Variants in ARSB observed in about 807,000 individuals in gnomAD.
ARSB encodes the protein arylsulfatase B, also known as N-acetylgalactosamine-4-sulfatase.
A neutral mutation model predicts 50.9 loss-of-function variants in ARSB; 41 were observed. The observed-to-expected ratio is 0.81, with a 90% CI of 0.63 to 1.04. The LOEUF (loss-of-function observed/expected upper bound fraction) is 1.04. ARSB is among the 50% of genes least tolerant of loss of function. The pLI is 0.00. For missense variants in ARSB, 672 were observed against 693.3 expected, an observed-to-expected ratio of 0.97 and a Z score of 0.35; for synonymous variants, 269 against 284.8, an observed-to-expected ratio of 0.94 and a Z score of 0.56.
At chr5:78,904,685 C>CTTTTTTTTTTT (rs55920994) in intron 4 of ARSB, among the ~76,000 whole-genome samples, 1 of 98,930 alleles carries the variant, frequency 1.0e-5, no homozygotes, top group Admixed American at 1.1e-4. Context: ...TTCTTTCTTT[C>CTTTTTTTTTTT]TTTTTTTTTT....
At chr5:78,810,798 A>G (rs540900171) in intron 6 of ARSB, among the ~76,000 whole-genome samples, 196 of 152,346 alleles carry the variant, frequency 1.3e-3, no homozygotes, top group African/African-American at 4.7e-3. Flanking sequence ...TTTCAACCAC[A>G]GAGTACTGTG....
intron 6 of ARSB, among the ~76,000 whole-genome samples, chr5:78,816,725 T>C (rs553162670): frequency 6.6e-6 from 1 of 152,306 alleles, no homozygotes; most frequent in South Asian, 2.1e-4. Flanking sequence ...AGAGGAAGCT[T>C]CTCCATTGCT....
chr5:78,913,353 T>C (rs1749394624), intron 4 of ARSB, among the ~76,000 whole-genome samples: 1 of 152,116 alleles, frequency 6.6e-6, no homozygotes, highest in Non-Finnish European at 1.5e-5. Context: ...CTCGATCTCC[T>C]GACCTCGTGA....
At chr5:78,804,601 A>G (rs1243528153) in intron 6 of ARSB, among the ~76,000 whole-genome samples, 1 of 152,252 alleles carries the variant, frequency 6.6e-6, no homozygotes, top group Non-Finnish European at 1.5e-5. Flanking sequence ...TTAAGACACT[A>G]AAACTAACAA....
At chr5:78,840,354 G>A (rs778340465) in intron 5 of ARSB, among the ~76,000 whole-genome samples, 7 of 152,140 alleles carry the variant, frequency 4.6e-5, no homozygotes, top group Non-Finnish European at 4.4e-5. Context: ...GGCTCCTGAC[G>A]TAACCAAGAC....
intron 4 of ARSB, among the ~76,000 whole-genome samples, chr5:78,939,240 A>T (rs1305353020): frequency 6.6e-6 from 1 of 152,050 alleles, no homozygotes; most frequent in African/African-American, 2.4e-5. Context: ...CCTAGTAAAA[A>T]GAGCTCTCAA....
At chr5:78,862,813 C>T (rs975665586) in intron 5 of ARSB, among the ~76,000 whole-genome samples, 6 of 152,178 alleles carry the variant, frequency 3.9e-5, no homozygotes, top group Admixed American at 1.3e-4. Context: ...TCAAAGTGAA[C>T]AGGCAACCTA....
intron 5 of ARSB, among the ~76,000 whole-genome samples, chr5:78,863,467 T>C (rs1013601829): frequency 2.6e-5 from 4 of 151,992 alleles, no homozygotes; most frequent in Non-Finnish European, 5.9e-5. Flanking sequence ...GGGACATGGA[T>C]GAAGCTGAAA....
chr5:78,871,236 C>G (rs532399404), intron 5 of ARSB, among the ~76,000 whole-genome samples: 1 of 151,988 alleles, frequency 6.6e-6, no homozygotes, highest in African/African-American at 2.4e-5. Context: ...AATGGCCATA[C>G]TGCCCAAGGT....
At chr5:78,823,747 A>AT (rs1283911808) in intron 6 of ARSB, among the ~76,000 whole-genome samples, 1 of 152,246 alleles carries the variant, frequency 6.6e-6, no homozygotes, top group Non-Finnish European at 1.5e-5. Context: ...GCTGGCTTGA[A>AT]TATATCTTAA....
At chr5:78,788,922 A>G (rs914510352) in intron 6 of ARSB, among the ~76,000 whole-genome samples, 5 of 152,230 alleles carry the variant, frequency 3.3e-5, no homozygotes, top group Non-Finnish European at 7.3e-5. Context: ...GTGAGCCACC[A>G]CACCTGGCCT....
At chr5:78,837,443 T>C (rs984389258) in intron 6 of ARSB, among the ~76,000 whole-genome samples, 1 of 152,212 alleles carries the variant, frequency 6.6e-6, no homozygotes, top group Non-Finnish European at 1.5e-5. Context: ...GTCATTGATG[T>C]AGCCTCACAG....
At chr5:78,980,368 T>C (rs544594753) in intron 1 of ARSB, among the ~76,000 whole-genome samples, 1 of 152,368 alleles carries the variant, frequency 6.6e-6, no homozygotes, top group Admixed American at 6.5e-5. Flanking sequence ...TTATCCTTCA[T>C]ATACGTTCCA....
At chr5:78,963,147 G>T (rs3869025) in intron 3 of ARSB, among the ~76,000 whole-genome samples, 40,332 of 151,994 alleles carry the variant, frequency 0.27, 6,668 homozygotes, top group African/African-American at 0.47. Flanking sequence ...TCCTGAGAGG[G>T]CTGGTTGTTA....
At chr5:78,909,670 A>G (rs955270998) in intron 4 of ARSB, among the ~76,000 whole-genome samples, 1 of 152,226 alleles carries the variant, frequency 6.6e-6, no homozygotes, top group Non-Finnish European at 1.5e-5. Flanking sequence ...AGAAAGCCAC[A>G]GGGACCTCTG....
chr5:78,932,169 A>G (rs1288614000), intron 4 of ARSB, among the ~76,000 whole-genome samples: 1 of 152,222 alleles, frequency 6.6e-6, no homozygotes, highest in Non-Finnish European at 1.5e-5. Context: ...GCAGTCTAAT[A>G]GCTCTTTGTT....
chr5:78,835,957 G>T (rs977185115), intron 6 of ARSB, among the ~76,000 whole-genome samples: 4 of 152,178 alleles, frequency 2.6e-5, no homozygotes, highest in Non-Finnish European at 5.9e-5. Context: ...TGACTCCATT[G>T]TTAACCCTCA....
At chr5:78,952,012 T>C (rs1404287433) in intron 4 of ARSB, among the ~76,000 whole-genome samples, 1 of 152,102 alleles carries the variant, frequency 6.6e-6, no homozygotes, top group Admixed American at 6.5e-5. Flanking sequence ...ATAATAAAAA[T>C]ACATAGGCAC....
chr5:78,806,763 GC>G (rs1743582822), intron 6 of ARSB, among the ~76,000 whole-genome samples: 1 of 152,196 alleles, frequency 6.6e-6, no homozygotes, highest in Admixed American at 6.5e-5. Flanking sequence ...AGGCCCTCTG[GC>G]CTCTGGAATG....
Sources: gnomAD v4.1 joint callset for allele counts (sites outside exome capture counted in the v4.1 genomes callset) on GRCh38, gnomAD v4.1.1 for gene constraint, MANE v1.5 for transcripts, NCBI Gene and HGNC (gene_info 2026-07-23, HGNC 2026-07-21) for gene names.